The following C12orf42 variants were observed in gnomAD, a reference collection of about 807,000 sequenced individuals.
C12orf42 encodes chromosome 12 open reading frame 42, also known as uncharacterized protein C12orf42.
A neutral mutation model predicts 21.6 loss-of-function variants in C12orf42; 25 were observed. The ratio of observed to expected loss-of-function variants is 1.16; its 90% CI spans 0.84 to 1.62. The LOEUF is 1.62. Among genes scored for constraint, C12orf42 ranks in the 40% most tolerant of loss-of-function variants. The pLI is 0.00. For missense variants in C12orf42, 483 were observed against 459.3 expected (o/e 1.05, Z -0.47); for synonymous variants, 174 against 175.0 (o/e 0.99, Z 0.05).
intron 4 of C12orf42, among the ~76,000 whole-genome samples, chr12:103,317,435 T>C (rs1466390488): frequency 1.3e-5 from 2 of 152,206 alleles, no homozygotes; most frequent in East Asian, 1.9e-4. Flanking sequence ...CAGTTGCATG[T>C]AAATCACAGA....
chr12:103,226,726 G>A, the C12orf42 span, among the ~76,000 whole-genome samples: 2 of 152,268 alleles, frequency 1.3e-5, no homozygotes, highest in East Asian at 3.9e-4. Flanking sequence ...TCAGCCTGGT[G>A]AGGAACAGCC....
At position 103,455,777 on chromosome 12, in the gene C12orf42, A is replaced by G. The variant is rs367733454; in HGVS notation, c.78+22572T>C. On this transcript the variant is annotated intron_variant, in intron 2 of 5. Coordinates refer to ENST00000548883, the MANE Select transcript of C12orf42 (RefSeq NM_198521.5). ...CTTAGAATAAGTATTTCTGAGATAT[A>G]TTAGAGATTTCTAAAACATTTGCTT... Among the ~76,000 whole-genome samples, 25 of 152,316 alleles carry G rather than the reference A, an allele frequency of 1.6e-4. No individual in the cohort carries two copies. The East Asian group carries it at 4.2e-3, about 26-fold the overall frequency.
At chr12:103,346,801 A>G (rs1206576995) in intron 4 of C12orf42, among the ~76,000 whole-genome samples, 1 of 152,196 alleles carries the variant, frequency 6.6e-6, no homozygotes, top group Admixed American at 6.5e-5. Flanking sequence ...GTCAGGTACC[A>G]TCTTGACAGA....
At chr12:103,188,244 A>AT in the C12orf42 span, among the ~76,000 whole-genome samples, 3 of 151,920 alleles carry the variant, frequency 2.0e-5, no homozygotes, top group African/African-American at 4.8e-5. Context: ...ATTCCTTTTT[A>AT]TTTTTTTGGC....
the C12orf42 span, among the ~76,000 whole-genome samples, chr12:103,176,159 C>T: frequency 6.6e-6 from 1 of 152,142 alleles, no homozygotes; most frequent in Non-Finnish European, 1.5e-5. Flanking sequence ...TGCATCTCAT[C>T]CCACCACTAT....
intron 1 of C12orf42, among the ~76,000 whole-genome samples, chr12:103,492,948 C>T (rs1160026532): frequency 6.6e-6 from 1 of 152,196 alleles, no homozygotes; most frequent in African/African-American, 2.4e-5. Context: ...TCCATCAGCT[C>T]TCATCAGTTC....
At chr12:103,524,099 A>G in the C12orf42 span, among the ~76,000 whole-genome samples, 55 of 152,280 alleles carry the variant, frequency 3.6e-4, 1 homozygote, top group Admixed American at 3.1e-3. Context: ...TTTAAGGTGT[A>G]ACAGAATCTG....
At chr12:103,062,530 T>C in the C12orf42 span, among the ~76,000 whole-genome samples, 1 of 152,118 alleles carries the variant, frequency 6.6e-6, no homozygotes, top group African/African-American at 2.4e-5. Flanking sequence ...TTATTTTAAA[T>C]ATTAGGTTGG....
chr12:103,188,075 C>T, the C12orf42 span, among the ~76,000 whole-genome samples: 19 of 152,274 alleles, frequency 1.2e-4, no homozygotes, highest in South Asian at 2.5e-3. Context: ...GGTTCAATCT[C>T]ATCTTCAGCT....
intron 10 of C12orf42, among the ~76,000 whole-genome samples, chr12:103,250,537 G>T (rs1489636618): frequency 6.6e-6 from 1 of 152,042 alleles, no homozygotes; most frequent in Non-Finnish European, 1.5e-5. Context: ...GAAAGGAAAG[G>T]GAAACAATGA....
chr12:103,279,684 G>A (rs1346083896), intron 4 of C12orf42, among the ~76,000 whole-genome samples: 5 of 152,212 alleles, frequency 3.3e-5, no homozygotes, highest in African/African-American at 1.2e-4. Flanking sequence ...ATGACTAGGT[G>A]TGTGGTTGAA....
chr12:103,515,555 A>T, the C12orf42 span, among the ~76,000 whole-genome samples: 1 of 152,198 alleles, frequency 6.6e-6, no homozygotes, highest in South Asian at 2.1e-4. Context: ...AGCACATTGG[A>T]GTTGAATCTA....
chr12:103,552,762 A>T, the C12orf42 span, among the ~76,000 whole-genome samples: 1 of 152,154 alleles, frequency 6.6e-6, no homozygotes, highest in Non-Finnish European at 1.5e-5. Context: ...CTATAAAGAC[A>T]TACCCAAGAC....
the C12orf42 span, among the ~76,000 whole-genome samples, chr12:103,188,811 G>T: frequency 6.6e-6 from 1 of 152,192 alleles, no homozygotes; most frequent in Non-Finnish European, 1.5e-5. Flanking sequence ...CACGATTCCT[G>T]AAAAATCTTT....
the C12orf42 span, among the ~76,000 whole-genome samples, chr12:103,530,257 C>T: frequency 6.6e-5 from 10 of 152,156 alleles, no homozygotes; most frequent in East Asian, 5.8e-4. Flanking sequence ...CTCTGGAATC[C>T]GAACTGTCAG....
At chr12:103,137,181 A>T in the C12orf42 span, among the ~76,000 whole-genome samples, 4 of 152,306 alleles carry the variant, frequency 2.6e-5, no homozygotes, top group East Asian at 3.9e-4. Context: ...AACAGTAAAA[A>T]CATAAATAAT....
chr12:103,212,482 G>C, the C12orf42 span, among the ~76,000 whole-genome samples: 1 of 152,112 alleles, frequency 6.6e-6, no homozygotes, highest in Admixed American at 6.6e-5. Context: ...TGTTGAATGT[G>C]TTCCTCAGTT....
intron 4 of C12orf42, among the ~76,000 whole-genome samples, chr12:103,349,517 T>G (rs1397962115): frequency 6.6e-6 from 1 of 152,154 alleles, no homozygotes; most frequent in African/African-American, 2.4e-5. Flanking sequence ...GAGTTCACTG[T>G]GTTTTAAGTA....
chr12:103,111,288 CCTGT>C, the C12orf42 span, among the ~76,000 whole-genome samples: 2 of 152,142 alleles, frequency 1.3e-5, no homozygotes, highest in Admixed American at 1.3e-4. Context: ...TCTATTTTCT[CCTGT>C]CTGAGGGTAA....
Sources: gnomAD v4.1 joint callset for allele counts (sites outside exome capture counted in the v4.1 genomes callset) on GRCh38, gnomAD v4.1.1 for gene constraint, MANE v1.5 for transcripts, NCBI Gene and HGNC (gene_info 2026-07-23, HGNC 2026-07-21) for gene names.